The following NDUFB6 variants were observed in gnomAD, a reference collection of about 807,000 sequenced individuals.
NDUFB6 encodes NADH:ubiquinone oxidoreductase subunit B6, also known as NADH dehydrogenase [ubiquinone] 1 beta subcomplex subunit 6.
Under a neutral mutation model 17.5 loss-of-function variants are expected in NDUFB6, and 23 were observed. That is an observed-to-expected ratio of 1.31 (90% CI 0.94 to 1.86). NDUFB6 has a LOEUF of 1.86. Ranked by LOEUF, NDUFB6 falls within the 40% of genes most tolerant of loss-of-function variation. The pLI, the probability that NDUFB6 is intolerant of heterozygous loss-of-function variation, is 0.00. For missense variants in NDUFB6, 167 were observed against 153.8 expected (o/e 1.09, Z -0.46); for synonymous variants, 60 against 53.5 (o/e 1.12, Z -0.53).
chr9:32,571,410 T>C (rs529000494), intron 1 of NDUFB6, among the ~76,000 whole-genome samples: 1 of 152,324 alleles, frequency 6.6e-6, no homozygotes, highest in East Asian at 1.9e-4. Context: ...ACCAGAGTAA[T>C]CAAACCTACA....
intron 2 of NDUFB6, among the ~76,000 whole-genome samples, chr9:32,559,314 G>T (rs1379699189): frequency 1.3e-5 from 2 of 152,132 alleles, no homozygotes; most frequent in African/African-American, 2.4e-5. Flanking sequence ...CACCAGCCTT[G>T]TCCAAGCCTC....
chr9:32,566,680 C>G (rs1821800729), intron 2 of NDUFB6: 3 of 821,648 alleles, frequency 3.7e-6, no homozygotes, highest in Non-Finnish European at 6.5e-6. Context: ...ATCCGGCTTT[C>G]ACAGCTGTAT....
chr9:32,553,831 G>A lies in NDUFB6; in HGVS notation c.*45C>T. 7.9e-7 allele frequency: 1 copy of A among 1,258,264 alleles called. No homozygotes were observed. 77.9% of individuals were successfully genotyped at this position (1,258,264 alleles called of 1,614,324 possible). A position where few individuals can be genotyped will look rare whatever the true frequency, so the allele number is the denominator to read the frequency against. ...AAAATTCAGTAAATATGGTAATATA[G>A]GAACAAACTTAGGCTCATAAGCCTT... On this transcript the variant is annotated 3_prime_UTR_variant, in exon 4 of 4. Coordinates refer to ENST00000379847, the MANE Select transcript of NDUFB6 (RefSeq NM_002493.5).
chr9:32,565,437 T>C (rs1377312537), intron 2 of NDUFB6: 2 of 152,136 alleles, frequency 1.3e-5, no homozygotes, highest in Non-Finnish European at 2.9e-5. Flanking sequence ...GCCATGGAAA[T>C]GGAGAGCCAG....
intron 3 of NDUFB6, among the ~76,000 whole-genome samples, chr9:32,554,538 C>T (rs1821401977): frequency 6.6e-6 from 1 of 152,138 alleles, no homozygotes; most frequent in African/African-American, 2.4e-5. Context: ...CAGTTTCAGC[C>T]ATGTGTTTAA....
chr9:32,555,481 C>T (rs149536051), intron 3 of NDUFB6, among the ~76,000 whole-genome samples: 35 of 152,144 alleles, frequency 2.3e-4, no homozygotes, highest in Non-Finnish European at 4.0e-4. Context: ...TGCATAAGGA[C>T]AAAGAAATGA....
intron 2 of NDUFB6, 94 bp from the exon 3 acceptor site, chr9:32,559,048 CAA>C: frequency 1.3e-6 from 1 of 763,460 alleles, no homozygotes; most frequent in Non-Finnish European, 2.2e-6. Context: ...ACTTAAGCTC[CAA>C]ACTTTCACAG....
At position 32,553,159 on chromosome 9, in the gene NDUFB6, T is replaced by C; in HGVS notation, c.*717A>G. On this transcript the variant is annotated 3_prime_UTR_variant, in exon 4 of 4. Transcript: ENST00000379847. The stretch of plus-strand genomic sequence containing the variant: ...TCAGATCATAGTTGGAATAAGCTTT[T>C]CAATCAAGTTTCTAAATTCTTCAAA... 2.5e-6 allele frequency: 1 copy of C among 392,342 alleles called. No individual in the cohort carries two copies. The highest frequency in any genetic ancestry group is 4.5e-6 in the Non-Finnish European group (1 of 220,932). 24.3% of individuals were successfully genotyped at this position (392,342 alleles called of 1,614,324 possible).
chr9:32,566,541 G>A, intron 2 of NDUFB6: 2 of 772,776 alleles, frequency 2.6e-6, no homozygotes, highest in Non-Finnish European at 4.8e-6. Context: ...CTCCTCTGTT[G>A]TATAGCTGCC....
At chr9:32,558,128 T>TTTTTTTTTC (rs1244268810) in intron 3 of NDUFB6, among the ~76,000 whole-genome samples, 4 of 151,348 alleles carry the variant, frequency 2.6e-5, no homozygotes, top group Non-Finnish European at 5.9e-5. Context: ...TTTTTTTTTT[T>TTTTTTTTTC]TGAGACGGAG....
At chr9:32,558,746 G>GT (rs142936680) in intron 3 of NDUFB6, among the ~76,000 whole-genome samples, 164 bp downstream of exon 3, 10,446 of 150,848 alleles carry the variant, frequency 0.069, 942 homozygotes, top group African/African-American at 0.21. Context: ...ATTTCTTCCT[G>GT]TTTTTTTTTG....
At chr9:32,563,785 T>C (rs1018945918) in intron 2 of NDUFB6, among the ~76,000 whole-genome samples, 1 of 152,260 alleles carries the variant, frequency 6.6e-6, no homozygotes, top group Non-Finnish European at 1.5e-5. Context: ...TTTGCACTCA[T>C]GGATTTTCAT....
intron 2 of NDUFB6, chr9:32,567,316 G>A (rs1268040024): frequency 2.1e-6 from 1 of 469,888 alleles, no homozygotes; most frequent in Non-Finnish European, 4.4e-6. Flanking sequence ...ACGTCTCTGT[G>A]CCATATTTTG....
intron 2 of NDUFB6, among the ~76,000 whole-genome samples, chr9:32,563,916 G>A (rs10971025): frequency 0.17 from 26,406 of 152,154 alleles, 2,653 homozygotes; most frequent in South Asian, 0.37. Flanking sequence ...CATTCTTTCA[G>A]CACTTCTTTA....
chr9:32,557,979 G>A lies in NDUFB6; in HGVS notation c.318+931C>T, dbSNP rs546272786. Among the ~76,000 whole-genome samples the A allele has an allele frequency of 7.2e-5, 11 of 152,268 alleles. No individual in the cohort carries two copies. In the South Asian group the frequency reaches 2.3e-3, roughly 32 times the overall value. ...ATTATCTGTGACTAGAAATAGACAA[G>A]AACATAGTATGTATTCTACTATGCT... On this transcript the variant is annotated intron_variant, in intron 3 of 3. Coordinates refer to ENST00000379847, the MANE Select transcript of NDUFB6 (RefSeq NM_002493.5).
intron 3 of NDUFB6, 49 bp from the exon 4 acceptor site, chr9:32,553,993 G>A (rs773913761): frequency 8.5e-7 from 1 of 1,182,028 alleles, no homozygotes; most frequent in Non-Finnish European, 1.2e-6. Context: ...GTCTACAGAG[G>A]TGATAGTTCT....
At position 32,566,332 on chromosome 9, in the gene NDUFB6, T is replaced by C. The variant is rs935544996; in HGVS notation, c.273+4628A>G. On this transcript the variant is annotated intron_variant, in intron 2 of 3. Coordinates refer to ENST00000379847, the MANE Select transcript of NDUFB6 (RefSeq NM_002493.5). ...TCCACTTCTCTTCCATCTTGTTCTTTAACTGCTTCCACCAGTGTAGGAATG... is the reference window on the plus strand; with the variant it reads ...TCCACTTCTCTTCCATCTTGTTCTTCAACTGCTTCCACCAGTGTAGGAATG... 4.3e-6 allele frequency: 5 copies of C among 1,171,192 alleles called. No homozygotes were observed. The Admixed American group carries it at 5.0e-5, about 12-fold the overall frequency. The allele number at this position is 1,171,192 out of a possible 1,614,324, so 72.5% of individuals were successfully genotyped here.
chr9:32,572,466 G>C (rs1821958592), intron 1 of NDUFB6, among the ~76,000 whole-genome samples: 1 of 152,140 alleles, frequency 6.6e-6, no homozygotes, highest in Admixed American at 6.5e-5. Context: ...TGTGCCCTCT[G>C]GTGGTTGGAT....
intron 3 of NDUFB6, among the ~76,000 whole-genome samples, chr9:32,555,095 CAA>C (rs11391859): frequency 1.3e-4 from 18 of 138,540 alleles, no homozygotes; most frequent in African/African-American, 4.3e-4. Context: ...TGTTCCTGAC[CAA>C]AAAAAAAAAA....
Sources: gnomAD v4.1 joint callset for allele counts (sites outside exome capture counted in the v4.1 genomes callset) on GRCh38, gnomAD v4.1.1 for gene constraint, MANE v1.5 for transcripts, NCBI Gene and HGNC (gene_info 2026-07-23, HGNC 2026-07-21) for gene names.